Variants in RBFOX1 observed in about 807,000 individuals in gnomAD.
RBFOX1 encodes RNA binding protein fox-1 homolog 1.
In RBFOX1, 8 loss-of-function variants were observed where a neutral mutation model predicts 57.7. That is an observed-to-expected ratio of 0.14 (90% CI 0.08 to 0.25). The LOEUF is 0.25. RBFOX1 is among the 10% of genes least tolerant of loss of function. The probability of loss-of-function intolerance (pLI) is 1.00; values close to 1 mark genes in which losing one functional copy is unlikely to be tolerated. For synonymous variants in RBFOX1, 326 were observed against 222.4 expected (o/e 1.47, Z -4.15); for missense variants, 611 against 548.5 (o/e 1.11, Z -1.14).
intron 3 of RBFOX1, among the ~76,000 whole-genome samples, chr16:6,857,280 A>G (rs2058083076): frequency 1.3e-5 from 2 of 152,212 alleles, no homozygotes; most frequent in African/African-American, 4.8e-5. Context: ...CAAACTTATT[A>G]GGAAGAATCC....
At chr16:7,311,972 A>G (rs2096321401) in intron 4 of RBFOX1, among the ~76,000 whole-genome samples, 2 of 152,228 alleles carry the variant, frequency 1.3e-5, no homozygotes. Flanking sequence ...TCAGAAAAAC[A>G]GGGATTAGAA....
intron 1 of RBFOX1, among the ~76,000 whole-genome samples, chr16:5,244,657 G>A (rs2062250875): frequency 6.6e-6 from 1 of 152,266 alleles, no homozygotes; most frequent in Non-Finnish European, 1.5e-5. Flanking sequence ...GGAACGCGGT[G>A]TGTCTGCTGT....
intron 10 of RBFOX1, among the ~76,000 whole-genome samples, chr16:7,625,905 T>C (rs1305417433): frequency 1.3e-5 from 2 of 152,182 alleles, no homozygotes; most frequent in Non-Finnish European, 2.9e-5. Context: ...CCTGGACTCA[T>C]GAGGATAGGA....
At chr16:5,589,703 C>G (rs768645340) in intron 2 of RBFOX1, among the ~76,000 whole-genome samples, 5 of 152,146 alleles carry the variant, frequency 3.3e-5, no homozygotes, top group Non-Finnish European at 5.9e-5. Context: ...GTAAGGTTAC[C>G]TAGTCCTCAT....
intron 4 of RBFOX1, among the ~76,000 whole-genome samples, chr16:7,345,066 G>T (rs1057316867): frequency 2.0e-5 from 3 of 151,890 alleles, no homozygotes; most frequent in Non-Finnish European, 1.5e-5. Flanking sequence ...GCTGGGACTG[G>T]GTCTTGTGGC....
chr16:5,413,075 G>A (rs1008693630), intron 1 of RBFOX1, among the ~76,000 whole-genome samples: 1 of 152,146 alleles, frequency 6.6e-6, no homozygotes, highest in African/African-American at 2.4e-5. Flanking sequence ...GCAGAAGAAA[G>A]GCTGCTGTAT....
rs112800026 is a variant in RBFOX1, at chr16:5,245,170, T to C, written c.219+5065T>C. Among the ~76,000 whole-genome samples the C allele has an allele frequency of 9.9e-3, 1,512 of 152,208 alleles. 31 individuals carry two copies. The highest frequency in any genetic ancestry group is 0.035 in the African/African-American group (1,441 of 41,526). On this transcript the variant is annotated intron_variant, in intron 1 of 2. Transcript: ENST00000585867. ...CCAGGGATGCAGGCGAGTCACATGA[T>C]GGTGTTGATGTGTGGAGTCCGGTGC... is the stretch of plus-strand genomic sequence containing the variant.
At chr16:6,757,604 C>G (rs2076006302) in intron 3 of RBFOX1, among the ~76,000 whole-genome samples, 1 of 151,962 alleles carries the variant, frequency 6.6e-6, no homozygotes, top group African/African-American at 2.4e-5. Flanking sequence ...AAGTTGATCT[C>G]TGGAGGATAG....
chr16:5,742,151 G>A (rs931174640), intron 3 of RBFOX1, among the ~76,000 whole-genome samples: 1 of 152,082 alleles, frequency 6.6e-6, no homozygotes, highest in African/African-American at 2.4e-5. Context: ...TCCATCATTT[G>A]GTTCAAGATG....
chr16:6,967,288 C>CCATT (rs57157163), intron 3 of RBFOX1, among the ~76,000 whole-genome samples: 8,539 of 152,136 alleles, frequency 0.056, 815 homozygotes, highest in African/African-American at 0.19. Flanking sequence ...CATCCATTAT[C>CCATT]CATCCATTAT....
intron 3 of RBFOX1, among the ~76,000 whole-genome samples, chr16:7,006,130 C>A (rs562625379): frequency 3.9e-5 from 6 of 152,064 alleles, no homozygotes; most frequent in Non-Finnish European, 8.8e-5. Flanking sequence ...AGAGGACATA[C>A]ATAATGTCAT....
At position 7,569,678 on chromosome 16, in the gene RBFOX1, A is replaced by G. The variant is rs546362298; in HGVS notation, c.271-10099A>G. Among the ~76,000 whole-genome samples the G allele has an allele frequency of 2.4e-4, 36 of 152,314 alleles. No homozygotes were observed. The East Asian group carries it at 6.7e-3, about 29-fold the overall frequency. On this transcript the variant is annotated intron_variant, in intron 5 of 15. Transcript: ENST00000550418. The stretch of plus-strand genomic sequence containing the variant: ...ATTATGTTGTTTTCCACAGAAAGCC[A>G]CCAACCACAGGTGTCTGTTGAGCAC...
At chr16:7,012,739 A>C (rs1240232985) in intron 3 of RBFOX1, among the ~76,000 whole-genome samples, 1 of 152,238 alleles carries the variant, frequency 6.6e-6, no homozygotes, top group Non-Finnish European at 1.5e-5. Context: ...GAAGCTGTGC[A>C]CACTGGATTA....
At chr16:5,402,623 C>T (rs1007322841) in intron 1 of RBFOX1, among the ~76,000 whole-genome samples, 1 of 152,166 alleles carries the variant, frequency 6.6e-6, no homozygotes, top group Non-Finnish European at 1.5e-5. Context: ...TCATATGATT[C>T]GCAAGTAATT....
chr16:7,155,732 TATATATACACACAC>T (rs2076968164), intron 4 of RBFOX1, among the ~76,000 whole-genome samples: 14 of 89,430 alleles, frequency 1.6e-4, no homozygotes, highest in African/African-American at 8.4e-4. Context: ...TATATATATA[TATATATACACACAC>T]ACACACACAC....
At chr16:5,945,946 A>G (rs2059392018) in intron 4 of RBFOX1, among the ~76,000 whole-genome samples, 1 of 152,176 alleles carries the variant, frequency 6.6e-6, no homozygotes, top group East Asian at 1.9e-4. Flanking sequence ...TGTGCTTCAC[A>G]TCCTCCTTTC....
At chr16:7,312,182 C>T (rs1457806247) in intron 4 of RBFOX1, among the ~76,000 whole-genome samples, 1 of 152,162 alleles carries the variant, frequency 6.6e-6, no homozygotes, top group East Asian at 1.9e-4. Flanking sequence ...GAGTTTGAGA[C>T]CAGCCTGGCC....
intron 4 of RBFOX1, among the ~76,000 whole-genome samples, chr16:5,870,157 T>C (rs2057434526): frequency 6.7e-6 from 1 of 149,020 alleles, no homozygotes; most frequent in South Asian, 2.1e-4. Flanking sequence ...ATATTATTTA[T>C]ATATAAAAAA....
chr16:6,701,447 A>G (rs1178744538), intron 3 of RBFOX1, among the ~76,000 whole-genome samples: 19 of 152,236 alleles, frequency 1.2e-4, no homozygotes, highest in African/African-American at 4.8e-5. Flanking sequence ...CTGAGATTGC[A>G]TAATTTTTAA....
Sources: allele counts gnomAD v4.1 joint callset (sites outside exome capture counted in the v4.1 genomes callset), GRCh38; gene constraint gnomAD v4.1.1; transcripts MANE v1.5; gene names NCBI Gene and HGNC (gene_info 2026-07-23, HGNC 2026-07-21).